The following IL13RA1 variants were observed in gnomAD, a reference collection of about 807,000 sequenced individuals.
IL13RA1 encodes interleukin 13 receptor subunit alpha 1, also known as interleukin-13 receptor subunit alpha-1.
Under a neutral mutation model 33.8 loss-of-function variants are expected in IL13RA1, and 14 were observed. The ratio of observed to expected loss-of-function variants is 0.41; its 90% CI spans 0.27 to 0.65. IL13RA1 has a LOEUF of 0.65. Ranked by LOEUF, IL13RA1 falls within the 30% of genes least tolerant of loss-of-function variation. The pLI, the probability that IL13RA1 is intolerant of heterozygous loss-of-function variation, is 0.28. For missense variants in IL13RA1, 313 were observed against 327.0 expected, an observed-to-expected ratio of 0.96 and a Z score of 0.33; for synonymous variants, 116 against 115.7, an observed-to-expected ratio of 1.00 and a Z score of -0.02.
intron 2 of IL13RA1, among the ~76,000 whole-genome samples, chrX:118,745,249 G>C (rs1273084035): frequency 8.9e-6 from 1 of 112,081 alleles, no homozygotes; most frequent in Non-Finnish European, 1.9e-5. Context: ...TGTTAAGTAG[G>C]TTTCTTGGTG....
intron 10 of IL13RA1, among the ~76,000 whole-genome samples, chrX:118,784,526 C>T (rs2017895462): frequency 9.0e-6 from 1 of 111,234 alleles, no homozygotes; most frequent in African/African-American, 3.3e-5. Context: ...CATTTGCTCC[C>T]CATTTTTATA....
chrX:118,801,927 T>C, the IL13RA1 span, among the ~76,000 whole-genome samples: 1 of 112,846 alleles, frequency 8.9e-6, no homozygotes. Flanking sequence ...TTATTTATGC[T>C]TCTACAAACA....
intron 1 of IL13RA1, among the ~76,000 whole-genome samples, chrX:118,730,254 G>A (rs1428678403): frequency 8.9e-6 from 1 of 112,135 alleles, no homozygotes; most frequent in Non-Finnish European, 1.9e-5. Flanking sequence ...GGGAAGATCA[G>A]GCCACTGCAC....
At chrX:118,733,797 C>CTTGGTA (rs2017251002) in intron 1 of IL13RA1, among the ~76,000 whole-genome samples, 1 of 109,102 alleles carries the variant, frequency 9.2e-6, no homozygotes, top group South Asian at 3.9e-4. Context: ...TTTTTTTTTA[C>CTTGGTA]TTGGTATTGG....
At chrX:118,750,569 A>G (rs1218715348) in intron 4 of IL13RA1, among the ~76,000 whole-genome samples, 1 of 111,294 alleles carries the variant, frequency 9.0e-6, no homozygotes, top group Admixed American at 9.7e-5. Flanking sequence ...GAATAAAGCT[A>G]CTGTAAATAT....
rs781082456 is a variant in IL13RA1, at chrX:118,767,314, G to A, written c.1009+338G>A. 1.8e-4 allele frequency among the ~76,000 whole-genome samples: 20 copies of A among 111,926 alleles called. No individual in the cohort carries two copies. In the South Asian group the frequency reaches 7.1e-3, roughly 40 times the overall value. On this transcript the variant is annotated intron_variant, in intron 8 of 10. Coordinates refer to ENST00000371666, the MANE Select transcript of IL13RA1 (RefSeq NM_001560.3). ...CCAGCACTTTGAGAGGCTGAGGCAG[G>A]AGGATCGCTTGAGCCCAGGAGTTGG...
At chrX:118,759,929 C>G (rs146482581) in intron 5 of IL13RA1, among the ~76,000 whole-genome samples, 1 of 110,797 alleles carries the variant, frequency 9.0e-6, no homozygotes, top group Non-Finnish European at 1.9e-5. Context: ...TGTGCCACCA[C>G]GCCAGGCTAA....
intron 10 of IL13RA1, among the ~76,000 whole-genome samples, chrX:118,790,640 G>A (rs772228930): frequency 3.6e-5 from 4 of 111,445 alleles, no homozygotes; most frequent in South Asian, 3.7e-4. Flanking sequence ...TCTTATGAGC[G>A]CTTGGAATTG....
chrX:118,764,114 C>T (rs1238814275), intron 6 of IL13RA1, among the ~76,000 whole-genome samples: 1 of 109,183 alleles, frequency 9.2e-6, no homozygotes, highest in African/African-American at 3.3e-5. Flanking sequence ...CACATGGGGG[C>T]TGTGGTCAGA....
chrX:118,789,176 T>C (rs1037071812), intron 10 of IL13RA1, among the ~76,000 whole-genome samples: 1 of 112,442 alleles, frequency 8.9e-6, no homozygotes, highest in Non-Finnish European at 1.9e-5. Flanking sequence ...TGAAATATTA[T>C]GTAGAGGTTA....
chrX:118,771,927 C>T (rs993239598), intron 8 of IL13RA1, among the ~76,000 whole-genome samples: 6 of 111,511 alleles, frequency 5.4e-5, no homozygotes, highest in African/African-American at 2.0e-4. Flanking sequence ...GAGTCGAGAT[C>T]GTGCCACTGC....
chrX:118,784,623 C>T (rs2017896216), intron 10 of IL13RA1, among the ~76,000 whole-genome samples: 1 of 111,491 alleles, frequency 9.0e-6, no homozygotes, highest in African/African-American at 3.3e-5. Context: ...TGCTCACTAC[C>T]ATTTTTTATG....
chrX:118,748,566 A>T (rs896095516), intron 3 of IL13RA1, among the ~76,000 whole-genome samples: 1 of 109,576 alleles, frequency 9.1e-6, no homozygotes, highest in Non-Finnish European at 1.9e-5. Context: ...GAATCGCTTG[A>T]ACCTGGGAAG....
At chrX:118,779,516 G>A (rs578246762) in intron 10 of IL13RA1, among the ~76,000 whole-genome samples, 3 of 111,711 alleles carry the variant, frequency 2.7e-5, no homozygotes, top group South Asian at 7.4e-4. Context: ...TACATAGAAC[G>A]AGGGGAAGGA....
intron 8 of IL13RA1, chrX:118,769,947 T>C: frequency 5.4e-6 from 1 of 184,421 alleles, no homozygotes; most frequent in Non-Finnish European, 1.0e-5. Context: ...AGCCTGGACC[T>C]CTATTACTCC....
intron 10 of IL13RA1, among the ~76,000 whole-genome samples, chrX:118,781,323 C>A (rs2017840550): frequency 1.8e-5 from 2 of 109,874 alleles, no homozygotes; most frequent in African/African-American, 6.5e-5. Flanking sequence ...CCAAATACTG[C>A]TGATTGTTAT....
At chrX:118,744,558 A>G (rs2017382926) in intron 2 of IL13RA1, among the ~76,000 whole-genome samples, 1 of 110,537 alleles carries the variant, frequency 9.0e-6, no homozygotes, top group Non-Finnish European at 1.9e-5. Context: ...TGCCACCACG[A>G]CCAGCTAATT....
intron 4 of IL13RA1, among the ~76,000 whole-genome samples, chrX:118,754,027 C>T (rs958322122): frequency 8.9e-6 from 1 of 112,341 alleles, no homozygotes; most frequent in Non-Finnish European, 1.9e-5. Flanking sequence ...TTGTATTGGA[C>T]AGCACAGATA....
chrX:118,775,274 G>A (rs1483618179), intron 9 of IL13RA1, among the ~76,000 whole-genome samples: 2 of 111,502 alleles, frequency 1.8e-5, no homozygotes, highest in East Asian at 2.8e-4. Context: ...TTGTTTGGCT[G>A]GAGTGGAGAG....
Sources: allele counts gnomAD v4.1 joint callset (sites outside exome capture counted in the v4.1 genomes callset), GRCh38; gene constraint gnomAD v4.1.1; transcripts MANE v1.5; gene names NCBI Gene and HGNC (gene_info 2026-07-23, HGNC 2026-07-21).